Variants in IGSF11 observed in about 807,000 individuals in gnomAD.
The protein encoded by IGSF11 is CXADR like 1.
IGSF11 carries 22 observed loss-of-function variants against 41.0 expected under a neutral mutation model. The ratio of observed to expected loss-of-function variants is 0.54; its 90% CI spans 0.38 to 0.77. The LOEUF (loss-of-function observed/expected upper bound fraction) is 0.77, where lower values mean the gene tolerates loss of function less well. Ranked by LOEUF, IGSF11 falls within the 30% of genes least tolerant of loss-of-function variation. The pLI is 0.00. For missense variants in IGSF11, 444 were observed against 530.8 expected (o/e 0.84, Z 1.61); for synonymous variants, 219 against 201.3 (o/e 1.09, Z -0.74).
upstream of IGSF11, chr3:119,034,897 G>T: frequency 9.3e-7 from 1 of 1,072,220 alleles, no homozygotes; most frequent in Non-Finnish European, 1.2e-6. Flanking sequence ...CTCACGCCCC[G>T]CTACTCCAGC....
chr3:118,904,336 T>C (rs1939309233), intron 6 of IGSF11, among the ~76,000 whole-genome samples: 1 of 152,094 alleles, frequency 6.6e-6, no homozygotes. Context: ...AGTAAACACG[T>C]TTTAGACACT....
chr3:118,905,708 C>T lies in IGSF11; in HGVS notation c.591G>A (p.Gln197=). 1 of 1,613,734 alleles carries T rather than the reference C, an allele frequency of 6.2e-7. No homozygotes were observed. The highest frequency in any genetic ancestry group is 8.5e-7 in the Non-Finnish European group (1 of 1,179,726). ...TGATGTTCCGGATGGTGACTGTTCC[C>T]TGGACCTGGTCTGTCACAAAAATAA... ...LPPTATQDQV[Q]GTVTIRNISA... Residue 197 remains glutamine (Q), a synonymous_variant, in exon 5 of 7, where the codon CAG becomes CAA. Transcript: ENST00000393775.
At chr3:119,139,714 GTAT>G (rs769531941) in intron 1 of IGSF11, among the ~76,000 whole-genome samples, 16 of 152,116 alleles carry the variant, frequency 1.1e-4, no homozygotes, top group African/African-American at 2.9e-4. Flanking sequence ...GACTAATATA[GTAT>G]TATAAAAGAT....
chr3:118,961,766 G>C (rs1945351947), intron 1 of IGSF11, among the ~76,000 whole-genome samples: 3 of 152,284 alleles, frequency 2.0e-5, no homozygotes, highest in Admixed American at 2.0e-4. Context: ...AAGTCAGTTT[G>C]CTTCTTGTTG....
At chr3:118,933,489 TACACACAC>T (rs36105810) in intron 1 of IGSF11, among the ~76,000 whole-genome samples, 1 of 148,746 alleles carries the variant, frequency 6.7e-6, no homozygotes, top group African/African-American at 2.5e-5. Flanking sequence ...TATATATATA[TACACACAC>T]ACACACATAT....
intron 1 of IGSF11, among the ~76,000 whole-genome samples, chr3:119,054,488 C>T (rs1296676679): frequency 1.3e-5 from 2 of 152,128 alleles, no homozygotes; most frequent in Non-Finnish European, 2.9e-5. Flanking sequence ...GTGATACCAC[C>T]TTACTCCTGC....
At chr3:118,926,825 C>T (rs924583351) in intron 3 of IGSF11, among the ~76,000 whole-genome samples, 2 of 151,638 alleles carry the variant, frequency 1.3e-5, no homozygotes, top group Non-Finnish European at 2.9e-5. Flanking sequence ...AGGCAGGACA[C>T]AAAAAACATG....
In IGSF11 at chr3:118,910,836, C is replaced by T. The variant is rs114868248; in HGVS notation, c.581-5118G>A. ...TAATACCCACTTTTAACCAGTAAAA[C>T]TTCTATCCATCATTTAAGAACCTTT... On this transcript the variant is annotated intron_variant, in intron 4 of 6. Transcript: ENST00000393775. Among the ~76,000 whole-genome samples, 518 of 152,226 alleles carry T rather than the reference C, an allele frequency of 3.4e-3. 2 individuals are homozygous for T. The highest frequency in any genetic ancestry group is 0.012 in the African/African-American group (487 of 41,538).
At chr3:118,913,742 G>C (rs1484510938) in intron 4 of IGSF11, among the ~76,000 whole-genome samples, 1 of 152,074 alleles carries the variant, frequency 6.6e-6, no homozygotes, top group African/African-American at 2.4e-5. Flanking sequence ...CAAACTTGTG[G>C]GTAAATCTAA....
chr3:119,110,289 A>G (rs1244500460), intron 1 of IGSF11, among the ~76,000 whole-genome samples: 3 of 151,904 alleles, frequency 2.0e-5, no homozygotes, highest in Non-Finnish European at 2.9e-5. Flanking sequence ...TTGGGTGCAT[A>G]TATATTTAGG....
At chr3:118,986,355 C>A (rs1935256603) in intron 1 of IGSF11, among the ~76,000 whole-genome samples, 3 of 152,196 alleles carry the variant, frequency 2.0e-5, no homozygotes, top group African/African-American at 2.4e-5. Context: ...GCTGCCTTCT[C>A]CACTCACAGT....
rs1019203912 is a variant in IGSF11, at chr3:118,927,129, A to G, written c.425-873T>C. On this transcript the variant is annotated intron_variant, in intron 3 of 6. Coordinates refer to ENST00000393775, the MANE Select transcript of IGSF11 (RefSeq NM_001015887.3). ...TAGGGGAAGAGAGAACAATAAAAGG[A>G]TATAGGTAGGAAGAGTAAAAATCTT... Among the ~76,000 whole-genome samples, 5 of 152,208 alleles carry G rather than the reference A, an allele frequency of 3.3e-5. 1 individual carries two copies. Among genetic ancestry groups the G allele is most frequent in the East Asian group, 1.9e-4 (1 of 5,190 alleles).
At chr3:119,054,277 C>T (rs1222140438) in intron 1 of IGSF11, among the ~76,000 whole-genome samples, 2 of 152,046 alleles carry the variant, frequency 1.3e-5, no homozygotes, top group African/African-American at 4.8e-5. Flanking sequence ...TCTTCACAAA[C>T]TATGTATCCA....
chr3:118,951,057 T>C (rs1440018739), intron 1 of IGSF11, among the ~76,000 whole-genome samples: 1 of 152,236 alleles, frequency 6.6e-6, no homozygotes, highest in Non-Finnish European at 1.5e-5. Context: ...GAACTTTCTG[T>C]AATGATGAAA....
chr3:119,016,498 T>A (rs1938703054), intron 1 of IGSF11, among the ~76,000 whole-genome samples: 1 of 152,224 alleles, frequency 6.6e-6, no homozygotes, highest in Non-Finnish European at 1.5e-5. Flanking sequence ...ATAGGATTAT[T>A]GACTATGCAA....
intron 1 of IGSF11, among the ~76,000 whole-genome samples, chr3:118,960,759 T>A (rs1012630668): frequency 2.0e-5 from 3 of 152,242 alleles, no homozygotes; most frequent in African/African-American, 7.2e-5. Context: ...GCTACAAATC[T>A]ATTTTTTGGC....
intron 1 of IGSF11, among the ~76,000 whole-genome samples, chr3:118,993,972 C>CA (rs1936033994): frequency 6.6e-6 from 1 of 152,196 alleles, no homozygotes; most frequent in South Asian, 2.1e-4. Context: ...AAACATACTG[C>CA]AAACAATCAA....
At chr3:118,905,537 A>G (rs774319509) in intron 5 of IGSF11, 59 bp downstream of exon 5, 11 of 1,579,270 alleles carry the variant, frequency 7.0e-6, no homozygotes, top group Admixed American at 1.7e-5. Flanking sequence ...ATTTTCTGGT[A>G]TAACAAAGAT....
chr3:119,109,567 G>A (rs1402712939), upstream of IGSF11, among the ~76,000 whole-genome samples: 7 of 152,018 alleles, frequency 4.6e-5, no homozygotes, highest in East Asian at 1.3e-3. Flanking sequence ...TTTTTTGAAG[G>A]GTTTTTTGTG....
Sources: allele counts gnomAD v4.1 joint callset (sites outside exome capture counted in the v4.1 genomes callset), GRCh38; gene constraint gnomAD v4.1.1; transcripts MANE v1.5; gene names NCBI Gene and HGNC (gene_info 2026-07-23, HGNC 2026-07-21).